Variants in RAD51B observed in about 807,000 individuals in gnomAD.
RAD51B encodes RAD51 paralog B, also known as DNA repair protein RAD51 homolog 2.
Under a neutral mutation model 42.2 loss-of-function variants are expected in RAD51B, and 38 were observed. The observed-to-expected ratio is 0.90, with a 90% CI of 0.70 to 1.18. The LOEUF (loss-of-function observed/expected upper bound fraction) is 1.18. Among genes scored for constraint, RAD51B ranks in the 50% most tolerant of loss-of-function variants. The pLI, the probability that RAD51B is intolerant of heterozygous loss-of-function variation, is 0.00. For synonymous variants in RAD51B, 154 were observed against 145.2 expected (o/e 1.06, Z -0.43); for missense variants, 373 against 400.7 (o/e 0.93, Z 0.59).
intron 7 of RAD51B, among the ~76,000 whole-genome samples, chr14:68,179,291 T>C (rs1278490054): frequency 6.6e-6 from 1 of 152,140 alleles, no homozygotes; most frequent in Admixed American, 6.6e-5. Flanking sequence ...TTGTCTTTTC[T>C]TTTTTTCTTT....
chr14:67,882,784 TG>T, intron 5 of RAD51B, among the ~76,000 whole-genome samples: 1 of 152,128 alleles, frequency 6.6e-6, no homozygotes, highest in East Asian at 1.9e-4. Context: ...CTCACTCTGT[TG>T]CCTAGGCTGA....
At chr14:67,961,137 G>A (rs906332739) in intron 7 of RAD51B, among the ~76,000 whole-genome samples, 5 of 151,948 alleles carry the variant, frequency 3.3e-5, no homozygotes, top group Non-Finnish European at 2.9e-5. Context: ...CTCCCGAGTA[G>A]CTGGGGCCAC....
intron 7 of RAD51B, among the ~76,000 whole-genome samples, chr14:68,267,157 T>TTG (rs1013980747): frequency 1.6e-4 from 25 of 152,134 alleles, no homozygotes; most frequent in African/African-American, 6.0e-4. Context: ...GGGAAGAGTA[T>TTG]TGTGCTTTCC....
At chr14:68,207,804 G>A (rs554499153) in intron 7 of RAD51B, among the ~76,000 whole-genome samples, 2 of 151,932 alleles carry the variant, frequency 1.3e-5, no homozygotes, top group Admixed American at 6.6e-5. Context: ...TTGATATTTG[G>A]TTACCAAAGG....
intron 10 of RAD51B, among the ~76,000 whole-genome samples, chr14:68,574,322 A>G (rs1889861550): frequency 6.6e-6 from 1 of 152,152 alleles, no homozygotes; most frequent in Non-Finnish European, 1.5e-5. Context: ...TCCTAGGCTC[A>G]AGCGATCCAC....
chr14:68,316,903 AT>A (rs2082073698), intron 8 of RAD51B, among the ~76,000 whole-genome samples: 1 of 152,234 alleles, frequency 6.6e-6, no homozygotes, highest in Non-Finnish European at 1.5e-5. Flanking sequence ...AGTATAATAA[AT>A]TTATAAAGTC....
At chr14:68,331,973 A>C (rs543255785) in intron 8 of RAD51B, among the ~76,000 whole-genome samples, 1 of 152,230 alleles carries the variant, frequency 6.6e-6, no homozygotes, top group Non-Finnish European at 1.5e-5. Context: ...CAATTGAATT[A>C]TGGAAGAAAA....
intron 7 of RAD51B, among the ~76,000 whole-genome samples, chr14:68,034,565 A>G (rs2140377924): frequency 1.3e-5 from 2 of 152,304 alleles, no homozygotes; most frequent in Admixed American, 1.3e-4. Flanking sequence ...CATTGTGCCC[A>G]GCCTATTTGT....
intron 8 of RAD51B, among the ~76,000 whole-genome samples, chr14:68,316,533 G>A (rs2082065764): frequency 6.6e-6 from 1 of 152,194 alleles, no homozygotes. Context: ...GGTTTGACCT[G>A]TGGGTGGGCC....
At chr14:68,351,258 G>T (rs191645769) in intron 8 of RAD51B, among the ~76,000 whole-genome samples, 2 of 152,306 alleles carry the variant, frequency 1.3e-5, no homozygotes, top group African/African-American at 4.8e-5. Flanking sequence ...AGAAGAACCT[G>T]CTAGACTAAG....
chr14:67,823,500 TTG>T, intron 1 of RAD51B, 40 bp from the exon 2 acceptor site: 1 of 1,558,220 alleles, frequency 6.4e-7, no homozygotes, highest in Non-Finnish European at 8.8e-7. Context: ...TTATATTCTG[TTG>T]TTTTTTTCAT....
intron 7 of RAD51B, among the ~76,000 whole-genome samples, chr14:68,093,537 G>A (rs1456465823): frequency 2.0e-5 from 3 of 152,046 alleles, no homozygotes; most frequent in South Asian, 2.1e-4. Flanking sequence ...CTATGGGATC[G>A]GTGGTGATAT....
At chr14:68,324,671 G>A (rs1292263548) in intron 8 of RAD51B, among the ~76,000 whole-genome samples, 1 of 152,102 alleles carries the variant, frequency 6.6e-6, no homozygotes. Flanking sequence ...TTTTTCTAGA[G>A]TGTGACTATT....
intron 7 of RAD51B, among the ~76,000 whole-genome samples, chr14:68,253,220 T>C (rs1316611643): frequency 6.6e-6 from 1 of 152,150 alleles, no homozygotes; most frequent in Non-Finnish European, 1.5e-5. Context: ...TGTAGTATAT[T>C]TATTTCCAGA....
chr14:68,072,210 T>TTATATATATATATA (rs60687017), intron 7 of RAD51B, among the ~76,000 whole-genome samples: 12 of 136,860 alleles, frequency 8.8e-5, no homozygotes, highest in African/African-American at 3.4e-4. Flanking sequence ...TTTCTAGGTT[T>TTATATATATATATA]TATATATATA....
chr14:67,888,323 C>T (rs1240511637), intron 7 of RAD51B, among the ~76,000 whole-genome samples: 1 of 152,202 alleles, frequency 6.6e-6, no homozygotes, highest in African/African-American at 2.4e-5. Flanking sequence ...AATAAGGGAA[C>T]TTTGAAATAC....
chr14:68,301,184 A>G (rs1350939899), intron 8 of RAD51B, among the ~76,000 whole-genome samples: 1 of 152,162 alleles, frequency 6.6e-6, no homozygotes, highest in Non-Finnish European at 1.5e-5. Context: ...AGGTAATCAC[A>G]TTTCCTGGCA....
intron 7 of RAD51B, among the ~76,000 whole-genome samples, chr14:67,976,970 C>T (rs1430904542): frequency 6.6e-6 from 1 of 152,134 alleles, no homozygotes; most frequent in Non-Finnish European, 1.5e-5. Context: ...AAAAAATGCT[C>T]ATCATCACTG....
intron 7 of RAD51B, among the ~76,000 whole-genome samples, chr14:67,957,011 T>C (rs2074563124): frequency 6.6e-6 from 1 of 152,186 alleles, no homozygotes; most frequent in African/African-American, 2.4e-5. Context: ...ATGCCAGGTG[T>C]TGTGATAGAG....
Sources: allele counts gnomAD v4.1 joint callset (sites outside exome capture counted in the v4.1 genomes callset), GRCh38; gene constraint gnomAD v4.1.1; transcripts MANE v1.5; gene names NCBI Gene and HGNC (gene_info 2026-07-23, HGNC 2026-07-21).